Variants in ETV1 observed in about 807,000 individuals in gnomAD.
ETV1 encodes ETS translocation variant 1.
ETV1 carries 27 observed loss-of-function variants against 62.3 expected under a neutral mutation model. The observed-to-expected ratio is 0.43, with a 90% CI of 0.32 to 0.60. ETV1 has a LOEUF of 0.60. Among genes scored for constraint, ETV1 ranks in the 20% least tolerant of loss-of-function variants. The probability of loss-of-function intolerance (pLI) is 0.06; values close to 1 mark genes in which losing one functional copy is unlikely to be tolerated. For missense variants in ETV1, 605 were observed against 605.8 expected (o/e 1.00, Z 0.01); for synonymous variants, 222 against 199.6 (o/e 1.11, Z -0.94).
At chr7:13,935,949 T>C (rs75565594) in intron 7 of ETV1, 53 bp from the exon 8 acceptor site, 4 of 1,414,086 alleles carry the variant, frequency 2.8e-6, no homozygotes, top group Non-Finnish European at 3.9e-6. Context: ...AGCAATTTTT[T>C]AAAAAAGTTT....
intron 6 of ETV1, among the ~76,000 whole-genome samples, chr7:13,948,164 G>A (rs988106879): frequency 7.9e-5 from 12 of 152,178 alleles, no homozygotes; most frequent in Non-Finnish European, 1.5e-4. Context: ...CTATTCAACA[G>A]TTGAAGCTTC....
intron 8 of ETV1, among the ~76,000 whole-genome samples, 164 bp downstream of exon 8, chr7:13,935,544 A>G (rs990735311): frequency 1.3e-5 from 2 of 152,236 alleles, no homozygotes; most frequent in Admixed American, 6.5e-5. Context: ...TTCTCCACAA[A>G]TTATAAGTAT....
chr7:13,955,734 T>A (rs1430911934), intron 6 of ETV1, among the ~76,000 whole-genome samples: 1 of 152,218 alleles, frequency 6.6e-6, no homozygotes, highest in Admixed American at 6.5e-5. Flanking sequence ...CACATTTCCA[T>A]ACCTAGAGGA....
chr7:13,908,260 G>A (rs932904378), intron 11 of ETV1, among the ~76,000 whole-genome samples: 2 of 152,058 alleles, frequency 1.3e-5, no homozygotes, highest in Admixed American at 1.3e-4. Context: ...AAATAATCAA[G>A]GCAGCTTGTT....
At chr7:13,896,618 C>G (rs893710093) in intron 13 of ETV1, among the ~76,000 whole-genome samples, 1 of 145,898 alleles carries the variant, frequency 6.9e-6, no homozygotes. Context: ...TAAATGGATT[C>G]TTTACTTTTT....
At chr7:13,897,247 G>T (rs959642825) in intron 13 of ETV1, among the ~76,000 whole-genome samples, 1 of 152,098 alleles carries the variant, frequency 6.6e-6, no homozygotes, top group Non-Finnish European at 1.5e-5. Flanking sequence ...AAAGCTGAAG[G>T]TGACACAACA....
intron 9 of ETV1, among the ~76,000 whole-genome samples, chr7:13,916,641 A>C (rs1784203675): frequency 1.3e-5 from 2 of 152,146 alleles, no homozygotes; most frequent in Non-Finnish European, 2.9e-5. Context: ...TCTCAAAAAA[A>C]GAGTAGGCTG....
At chr7:13,900,129 AAAAC>A (rs148725127) in intron 13 of ETV1, among the ~76,000 whole-genome samples, 5,756 of 152,232 alleles carry the variant, frequency 0.038, 370 homozygotes, top group African/African-American at 0.13. Flanking sequence ...AATCTGTCTC[AAAAC>A]AAACAAACAA....
intron 6 of ETV1, among the ~76,000 whole-genome samples, chr7:13,947,391 A>AC (rs1159746021): frequency 3.9e-5 from 5 of 127,750 alleles, no homozygotes; most frequent in Admixed American, 3.8e-4. Context: ...CACTAACTAT[A>AC]CAAAAAAAAA....
rs1209062238 is a variant in ETV1, at chr7:13,935,839, G to A, written c.423C>T (p.Ser141=). 6.2e-7 allele frequency: 1 copy of A among 1,613,906 alleles called. No individual in the cohort carries two copies. The highest frequency in any genetic ancestry group is 1.3e-5 in the African/African-American group (1 of 75,026). ...GMRPSNPPTP[S]STPVSPLHHA... ...GATGCAGTGGGGACACTGGCGTGCT[G>A]GATGGTGTGGGGGGGTTGGAGGGCC... Residue 141 remains serine, a synonymous_variant, in exon 8 of 14, where the codon TCC becomes TCT. Coordinates refer to ENST00000430479, the MANE Select transcript of ETV1 (RefSeq NM_004956.5).
chr7:13,956,379 T>C (rs1382099383), intron 6 of ETV1, among the ~76,000 whole-genome samples: 1 of 152,058 alleles, frequency 6.6e-6, no homozygotes, highest in South Asian at 2.1e-4. Context: ...AGTGTACCCT[T>C]AAGGCTATAT....
intron 9 of ETV1, among the ~76,000 whole-genome samples, chr7:13,914,334 G>C (rs769253281): frequency 1.3e-5 from 2 of 152,038 alleles, no homozygotes; most frequent in Non-Finnish European, 1.5e-5. Flanking sequence ...TTCAAAACTT[G>C]TGGATCAAAA....
intron 11 of ETV1, among the ~76,000 whole-genome samples, chr7:13,908,487 TG>T (rs1331794211): frequency 2.0e-5 from 3 of 152,186 alleles, no homozygotes; most frequent in Admixed American, 6.6e-5. Flanking sequence ...AGAATGCTGA[TG>T]CTCTGCTAAT....
In ETV1 at chr7:13,936,778, T is replaced by C. The variant is rs190827505; in HGVS notation, c.366-882A>G. On this transcript the variant is annotated intron_variant, in intron 7 of 13. Transcript: ENST00000430479. ...TCATTTTGCTGGGCGCAGTGGCTCA[T>C]GCCCCTGATCCTAGCACTTTGGGAG... Among the ~76,000 whole-genome samples the C allele has an allele frequency of 6.3e-4, 96 of 152,276 alleles. 1 individual carries two copies. The highest frequency in any genetic ancestry group is 8.8e-5 in the Non-Finnish European group (6 of 68,028).
chr7:13,988,978 T>C (rs760867385), intron 3 of ETV1, 30 bp downstream of exon 3: 2 of 1,584,722 alleles, frequency 1.3e-6, no homozygotes, highest in Non-Finnish European at 1.7e-6. Context: ...GTCAAGTTTA[T>C]AAACAGCAAC....
chr7:13,897,330 G>C (rs1001902383), intron 13 of ETV1, among the ~76,000 whole-genome samples: 1 of 152,178 alleles, frequency 6.6e-6, no homozygotes. Context: ...GTGTTCCTGG[G>C]TTATAAAGTA....
At chr7:13,983,714 T>TAAA (rs35601993) in intron 5 of ETV1, among the ~76,000 whole-genome samples, 3 of 147,092 alleles carry the variant, frequency 2.0e-5, no homozygotes, top group African/African-American at 5.0e-5. Flanking sequence ...GTTTAGATGT[T>TAAA]AAAAAAAAAA....
At chr7:13,952,154 G>C (rs1788895304) in intron 6 of ETV1, among the ~76,000 whole-genome samples, 2 of 152,174 alleles carry the variant, frequency 1.3e-5, no homozygotes, top group Non-Finnish European at 2.9e-5. Flanking sequence ...ACTGGATTAG[G>C]AGTCGAGTAA....
In ETV1 at chr7:13,894,799, A is replaced by G. The variant is rs1781626067; in HGVS notation, c.*1067T>C. 1 of 232,806 alleles carries G rather than the reference A, an allele frequency of 4.3e-6. No homozygotes were observed. The highest frequency in any genetic ancestry group is 5.6e-5 in the Admixed American group (1 of 17,788). The allele number at this position is 232,806 out of a possible 1,614,324, so 14.4% of individuals were successfully genotyped here. ...TCTAATATTTATATATGTTATCAAC[A>G]TAACACAGCAGTAAAAGGTTTAAAT... On this transcript the variant is annotated 3_prime_UTR_variant, in exon 14 of 14. Transcript: ENST00000430479.
Sources: allele counts gnomAD v4.1 joint callset (sites outside exome capture counted in the v4.1 genomes callset), GRCh38; gene constraint gnomAD v4.1.1; transcripts MANE v1.5; gene names NCBI Gene and HGNC (gene_info 2026-07-23, HGNC 2026-07-21).